TTLL6: variants seen among roughly 807,000 people sequenced by gnomAD.
The protein encoded by TTLL6 is tubulin polyglutamylase TTLL6.
TTLL6 carries 75 observed loss-of-function variants against 96.4 expected under a neutral mutation model. The ratio of observed to expected loss-of-function variants is 0.78; its 90% CI spans 0.65 to 0.94. The LOEUF (loss-of-function observed/expected upper bound fraction) is 0.94, where lower values mean the gene tolerates loss of function less well. Ranked by LOEUF, TTLL6 falls within the 40% of genes least tolerant of loss-of-function variation. TTLL6 has a pLI of 0.00. For missense variants in TTLL6, 1,030 were observed against 1,093.0 expected (o/e 0.94, Z 0.81); for synonymous variants, 411 against 419.4 (o/e 0.98, Z 0.24).
chr17:48,794,404 T>G, intron 8 of TTLL6: 1 of 1,468,560 alleles, frequency 6.8e-7, no homozygotes, highest in Non-Finnish European at 9.0e-7. Flanking sequence ...CCCTGTGAGG[T>G]GGCAGGGCAG....
chr17:48,785,295 T>G, intron 12 of TTLL6, 94 bp from the exon 13 acceptor site: 1 of 1,558,492 alleles, frequency 6.4e-7, no homozygotes, highest in Non-Finnish European at 8.7e-7. Context: ...GAAAAAGAGA[T>G]GAGGAGAAGG....
chr17:48,783,435 TTG>T (rs1201626821), intron 13 of TTLL6, among the ~76,000 whole-genome samples: 1 of 28,714 alleles, frequency 3.5e-5, no homozygotes, highest in Non-Finnish European at 9.2e-5. Flanking sequence ...TTAAAAAATA[TTG>T]TTTTTTTTTT....
chr17:48,815,073 C>T (rs909645371), intron 1 of TTLL6, among the ~76,000 whole-genome samples: 3 of 152,136 alleles, frequency 2.0e-5, no homozygotes, highest in Non-Finnish European at 4.4e-5. Flanking sequence ...CCACCGCGCC[C>T]AGCAGTTTAG....
In TTLL6 at chr17:48,769,049, C is replaced by T; in HGVS notation, c.2616G>A (p.Gln872=). ...HASAMRDPCM[Q]DQEAYSHCLI... is the part of the protein sequence containing the mutation. The stretch of plus-strand genomic sequence containing the variant: ...GGCAATGGCTGTATGCTTCTTGATC[C>T]TGCATACATGGGTCCCTCATAGCAC... The change falls in exon 15 of 16, where the codon CAG becomes CAA. Residue 872 remains glutamine, a synonymous_variant. Coordinates refer to ENST00000393382, the MANE Select transcript of TTLL6 (RefSeq NM_001130918.3). 6.2e-7 allele frequency: 1 copy of T among 1,614,190 alleles called. No individual in the cohort carries two copies. Among genetic ancestry groups the T allele is most frequent in the Non-Finnish European group, 8.5e-7 (1 of 1,180,008 alleles).
At chr17:48,784,818 G>C in intron 13 of TTLL6, 105 bp downstream of exon 13, 3 of 894,420 alleles carry the variant, frequency 3.4e-6, no homozygotes, top group Non-Finnish European at 5.2e-6. Context: ...AAGGCCCAGG[G>C]AGGCTCAGTG....
At chr17:48,803,850 A>T in intron 3 of TTLL6, 41 bp downstream of exon 3, 4 of 1,549,346 alleles carry the variant, frequency 2.6e-6, no homozygotes, top group Non-Finnish European at 2.6e-6. Context: ...GGGAGAATCC[A>T]GTGGGTCCCC....
At chr17:48,802,445 T>A (rs892483722) in intron 3 of TTLL6, among the ~76,000 whole-genome samples, 2 of 152,250 alleles carry the variant, frequency 1.3e-5, no homozygotes, top group African/African-American at 4.8e-5. Flanking sequence ...TTCTTTCTGT[T>A]CCTGTCAGGA....
chr17:48,801,811 A>T (rs775339381), intron 3 of TTLL6, among the ~76,000 whole-genome samples, 168 bp from the exon 4 acceptor site: 3 of 151,880 alleles, frequency 2.0e-5, no homozygotes, highest in Non-Finnish European at 4.4e-5. Flanking sequence ...AGAGTCAAAC[A>T]CTGTCACTGC....
At chr17:48,772,211 G>A (rs1016296441) in intron 13 of TTLL6, among the ~76,000 whole-genome samples, 15 of 152,254 alleles carry the variant, frequency 9.9e-5, no homozygotes, top group East Asian at 3.9e-4. Context: ...CCAGCTGGCC[G>A]CAGTGGCTCA....
chr17:48,790,594 T>C (rs1043216842), intron 9 of TTLL6, among the ~76,000 whole-genome samples: 1 of 152,140 alleles, frequency 6.6e-6, no homozygotes, highest in Non-Finnish European at 1.5e-5. Flanking sequence ...CATTTGCAGA[T>C]TTCTAGAAGT....
At chr17:48,799,834 A>G (rs931060450) in intron 5 of TTLL6, 74 bp from the exon 6 acceptor site, 10 of 1,323,112 alleles carry the variant, frequency 7.6e-6, no homozygotes, top group Non-Finnish European at 1.0e-5. Context: ...CCCTTTATGA[A>G]GAAAAGAAAG....
intron 1 of TTLL6, chr17:48,812,064 A>ACCTCCC (rs2039602289): frequency 2.6e-5 from 2 of 76,138 alleles, no homozygotes; most frequent in African/African-American, 1.1e-4. Flanking sequence ...TGATGCTGGG[A>ACCTCCC]CCCCCCCCCC....
chr17:48,813,391 C>CAATA (rs1255354146), intron 1 of TTLL6, among the ~76,000 whole-genome samples: 11 of 152,022 alleles, frequency 7.2e-5, no homozygotes, highest in African/African-American at 1.4e-4. Flanking sequence ...CCCACTCTAC[C>CAATA]AATAAATAAA....
chr17:48,796,318 C>T (rs1174401588), intron 7 of TTLL6, among the ~76,000 whole-genome samples, 172 bp from the exon 8 acceptor site: 1 of 152,096 alleles, frequency 6.6e-6, no homozygotes, highest in East Asian at 1.9e-4. Context: ...CCTGCAGCCT[C>T]GAGCCTAAGA....
chr17:48,801,705 T>C (rs2039418612), intron 3 of TTLL6, 62 bp from the exon 4 acceptor site: 2 of 1,389,208 alleles, frequency 1.4e-6, no homozygotes, highest in Non-Finnish European at 2.0e-6. Context: ...GGTGGGGAGA[T>C]TCCATTACTA....
chr17:48,794,689 C>T (rs2039287626), intron 8 of TTLL6, among the ~76,000 whole-genome samples: 1 of 152,220 alleles, frequency 6.6e-6, no homozygotes, highest in African/African-American at 2.4e-5. Flanking sequence ...CCTTCCACAT[C>T]CCCTTTAAGC....
In TTLL6 at chr17:48,796,606, G is replaced by A. The variant is rs1205071367; in HGVS notation, c.912+455C>T. ...TGCACTCCAGCCTAGGCGACAAAGC[G>A]AGACTCCATCTCAAAAAAAAAAAAA... On this transcript the variant is annotated intron_variant, in intron 7 of 15. Coordinates refer to ENST00000393382, the MANE Select transcript of TTLL6 (RefSeq NM_001130918.3). 4.1e-5 allele frequency among the ~76,000 whole-genome samples: 6 copies of A among 147,240 alleles called. 1 individual carries two copies. The highest frequency in any genetic ancestry group is 4.4e-4 in the South Asian group (2 of 4,514).
chr17:48,808,413 T>A (rs2039535756), intron 1 of TTLL6, among the ~76,000 whole-genome samples: 1 of 150,958 alleles, frequency 6.6e-6, no homozygotes, highest in South Asian at 2.1e-4. Context: ...TGCATAGATA[T>A]ATGTTGCTTC....
At chr17:48,809,366 C>T (rs1173841273) in intron 1 of TTLL6, among the ~76,000 whole-genome samples, 1 of 152,146 alleles carries the variant, frequency 6.6e-6, no homozygotes, top group Non-Finnish European at 1.5e-5. Flanking sequence ...CGGCTAGCTC[C>T]ACTCCCCTAG....
Sources: allele counts gnomAD v4.1 joint callset (sites outside exome capture counted in the v4.1 genomes callset), GRCh38; gene constraint gnomAD v4.1.1; transcripts MANE v1.5; gene names NCBI Gene and HGNC (gene_info 2026-07-23, HGNC 2026-07-21).